DCDC2: variants seen among roughly 807,000 people sequenced by gnomAD.
The protein encoded by DCDC2 is doublecortin domain-containing protein 2.
In DCDC2, 40 loss-of-function variants were observed where a neutral mutation model predicts 50.2. The ratio of observed to expected loss-of-function variants is 0.80; its 90% CI spans 0.62 to 1.04. The LOEUF is 1.04. DCDC2 is among the 50% of genes least tolerant of loss of function. The probability of loss-of-function intolerance (pLI) is 0.00; values close to 1 mark genes in which losing one functional copy is unlikely to be tolerated. For missense variants in DCDC2, 570 were observed against 581.9 expected (o/e 0.98, Z 0.21); for synonymous variants, 234 against 210.6 (o/e 1.11, Z -0.96).
At chr6:24,292,426 AAATAGCCACC>A (rs1763771890) in intron 4 of DCDC2, among the ~76,000 whole-genome samples, 1 of 152,200 alleles carries the variant, frequency 6.6e-6, no homozygotes, top group African/African-American at 2.4e-5. Flanking sequence ...AATACAATGA[AAATAGCCACC>A]AATAGCCACC....
At chr6:24,377,756 G>A in the DCDC2 span, among the ~76,000 whole-genome samples, 1 of 152,152 alleles carries the variant, frequency 6.6e-6, no homozygotes, top group Non-Finnish European at 1.5e-5. Context: ...GGGAGGCCGA[G>A]GGGGGTGGAT....
chr6:24,292,410 C>G (rs993772938), intron 4 of DCDC2, among the ~76,000 whole-genome samples: 4 of 151,872 alleles, frequency 2.6e-5, no homozygotes, highest in Non-Finnish European at 4.4e-5. Flanking sequence ...TCATACAGAA[C>G]CATGAAATAC....
intron 6 of DCDC2, among the ~76,000 whole-genome samples, chr6:24,280,627 C>G (rs983088143): frequency 6.6e-6 from 1 of 152,074 alleles, no homozygotes; most frequent in Non-Finnish European, 1.5e-5. Flanking sequence ...ACCTCCGCCA[C>G]CTAGGTTCAA....
chr6:24,273,411 T>C (rs1295059057), intron 7 of DCDC2, among the ~76,000 whole-genome samples: 1 of 152,212 alleles, frequency 6.6e-6, no homozygotes, highest in African/African-American at 2.4e-5. Context: ...AAATTGCACT[T>C]GTATCCCTTA....
chr6:24,315,018 C>A (rs1456854694), intron 2 of DCDC2, among the ~76,000 whole-genome samples: 19 of 152,132 alleles, frequency 1.2e-4, no homozygotes, highest in Admixed American at 1.2e-3. Flanking sequence ...GTTTCCCACT[C>A]AAATTAATCC....
At position 24,327,414 on chromosome 6, in the gene DCDC2, C is replaced by T. The variant is rs186060239; in HGVS notation, c.349-25370G>A. On this transcript the variant is annotated intron_variant, in intron 2 of 9. Coordinates refer to ENST00000378454, the MANE Select transcript of DCDC2 (RefSeq NM_016356.5). ...GCATTTCATATATATAATTAGTTTTCATGGCAACAGTCCACTTTTAGTCAA... is the reference window on the plus strand; with the variant it reads ...GCATTTCATATATATAATTAGTTTTTATGGCAACAGTCCACTTTTAGTCAA... Among the ~76,000 whole-genome samples the T allele has an allele frequency of 2.2e-3, 335 of 149,160 alleles. 19 individuals carry two copies. Among genetic ancestry groups the T allele is most frequent in the Middle Eastern group, 3.4e-3 (1 of 290 alleles).
At chr6:24,361,979 G>A (rs1760672862), upstream of DCDC2, among the ~76,000 whole-genome samples, 1 of 152,146 alleles carries the variant, frequency 6.6e-6, no homozygotes, top group Admixed American at 6.5e-5. Flanking sequence ...GCCAATCTCT[G>A]TAGTTTACTC....
intron 7 of DCDC2, among the ~76,000 whole-genome samples, chr6:24,275,839 T>C (rs913430169): frequency 1.4e-5 from 2 of 148,054 alleles, no homozygotes; most frequent in Non-Finnish European, 1.5e-5. Flanking sequence ...TGTGAATTTC[T>C]ACAAAAGCAA....
chr6:24,249,448 GC>G, intron 7 of DCDC2, among the ~76,000 whole-genome samples: 1 of 152,252 alleles, frequency 6.6e-6, no homozygotes, highest in East Asian at 1.9e-4. Flanking sequence ...AAATAGCAAA[GC>G]CCCAGCTTTG....
Position 24,296,411 on chromosome 6 carries a change from G to T in DCDC2, c.557+5304C>A, listed in dbSNP as rs147564176. Among the ~76,000 whole-genome samples the T allele has an allele frequency of 1.1e-3, 162 of 152,226 alleles. No individual in the cohort carries two copies. The East Asian group carries it at 0.021, about 20-fold the overall frequency. ...CTAGGCAATACCATCCTGGGCAAAGGAACTGGTAAAGATTTCATGACAAAG... is the reference window on the plus strand; with the variant it reads ...CTAGGCAATACCATCCTGGGCAAAGTAACTGGTAAAGATTTCATGACAAAG... On this transcript the variant is annotated intron_variant, in intron 4 of 9. Coordinates refer to ENST00000378454, the MANE Select transcript of DCDC2 (RefSeq NM_016356.5).
intron 5 of DCDC2, 41 bp from the exon 6 acceptor site, chr6:24,288,947 T>C (rs2113828594): frequency 6.8e-7 from 1 of 1,467,620 alleles, no homozygotes; most frequent in South Asian, 1.2e-5. Flanking sequence ...GAATGTTGTT[T>C]ACAAATAATG....
intron 2 of DCDC2, among the ~76,000 whole-genome samples, chr6:24,352,087 G>A (rs1367793247): frequency 2.6e-5 from 4 of 152,166 alleles, no homozygotes; most frequent in Non-Finnish European, 4.4e-5. Context: ...CTGGGTGACA[G>A]AAGGAGACTC....
intron 7 of DCDC2, chr6:24,205,438 C>A: frequency 9.2e-7 from 1 of 1,089,886 alleles, no homozygotes; most frequent in Non-Finnish European, 1.3e-6. Flanking sequence ...CAGTTCTCCC[C>A]TCCTATTCAC....
chr6:24,208,826 C>T (rs539303823), intron 7 of DCDC2, among the ~76,000 whole-genome samples: 2 of 152,324 alleles, frequency 1.3e-5, no homozygotes, highest in East Asian at 3.9e-4. Context: ...ACAATGTCAG[C>T]CTCCTAACAG....
chr6:24,316,097 G>A (rs930809924), intron 2 of DCDC2, among the ~76,000 whole-genome samples: 5 of 152,150 alleles, frequency 3.3e-5, no homozygotes, highest in African/African-American at 1.2e-4. Flanking sequence ...ACTTGCTGTG[G>A]ATCCAGAGTT....
chr6:24,344,124 T>A (rs1760210438), intron 2 of DCDC2, among the ~76,000 whole-genome samples: 2 of 152,168 alleles, frequency 1.3e-5, no homozygotes, highest in African/African-American at 4.8e-5. Context: ...CCCCACCCTG[T>A]CCTCATCCCA....
intron 8 of DCDC2, among the ~76,000 whole-genome samples, chr6:24,204,151 GATA>G (rs1358731241): frequency 2.0e-5 from 3 of 152,124 alleles, no homozygotes; most frequent in African/African-American, 7.2e-5. Flanking sequence ...ATACCTGAAG[GATA>G]GTAAACCAAT....
intron 2 of DCDC2, among the ~76,000 whole-genome samples, chr6:24,327,491 G>C (rs555946331): frequency 1.7e-5 from 1 of 59,014 alleles, no homozygotes; most frequent in South Asian, 6.2e-4. Flanking sequence ...TTTATTGGCT[G>C]ATACGGAGTT....
intron 8 of DCDC2, among the ~76,000 whole-genome samples, chr6:24,186,439 A>G (rs928664134): frequency 6.6e-6 from 1 of 152,200 alleles, no homozygotes; most frequent in Admixed American, 6.5e-5. Context: ...GTAGATGAAA[A>G]TATCTTTCAT....
Sources: gnomAD v4.1 joint callset for allele counts (sites outside exome capture counted in the v4.1 genomes callset) on GRCh38, gnomAD v4.1.1 for gene constraint, MANE v1.5 for transcripts, NCBI Gene and HGNC (gene_info 2026-07-23, HGNC 2026-07-21) for gene names.